Variants in NREP observed in about 807,000 individuals in gnomAD.
NREP encodes the protein neuronal regeneration related protein.
Under a neutral mutation model 8.6 loss-of-function variants are expected in NREP, and 5 were observed. The ratio of observed to expected loss-of-function variants is 0.58; its 90% CI spans 0.30 to 1.22. The LOEUF (loss-of-function observed/expected upper bound fraction) is 1.22. Among genes scored for constraint, NREP ranks in the 50% most tolerant of loss-of-function variants. The pLI is 0.07. For missense variants in NREP, 86 were observed against 82.5 expected (o/e 1.04, Z -0.17); for synonymous variants, 27 against 28.0 (o/e 0.96, Z 0.11).
At chr5:111,865,666 C>T (rs776852230) in intron 2 of NREP, among the ~76,000 whole-genome samples, 28 of 152,126 alleles carry the variant, frequency 1.8e-4, no homozygotes, top group Non-Finnish European at 2.1e-4. Context: ...CTTGCAAAAT[C>T]GTAGCTATTT....
At chr5:111,956,604 A>G (rs943300983) in intron 2 of NREP, among the ~76,000 whole-genome samples, 9 of 152,296 alleles carry the variant, frequency 5.9e-5, no homozygotes, top group Admixed American at 2.6e-4. Flanking sequence ...GAGTAAAAAC[A>G]ATATTTTTTA....
At chr5:111,910,167 A>G (rs2112561409) in intron 2 of NREP, among the ~76,000 whole-genome samples, 1 of 152,214 alleles carries the variant, frequency 6.6e-6, no homozygotes, top group South Asian at 2.1e-4. Flanking sequence ...CCCTGATTAT[A>G]TTCTGGTTAA....
intron 2 of NREP, among the ~76,000 whole-genome samples, chr5:111,929,187 G>A (rs1349248603): frequency 1.3e-5 from 2 of 152,148 alleles, no homozygotes; most frequent in Non-Finnish European, 2.9e-5. Context: ...AACTTTTTAC[G>A]GGGCCCTAGA....
upstream of NREP, chr5:111,757,903 G>A: frequency 1.0e-6 from 1 of 985,316 alleles, no homozygotes; most frequent in Non-Finnish European, 1.2e-6. Context: ...GCCCGCCAGG[G>A]CCGTGGGGAG....
At chr5:111,814,366 T>C (rs1302292673) in intron 2 of NREP, among the ~76,000 whole-genome samples, 1 of 152,092 alleles carries the variant, frequency 6.6e-6, no homozygotes. Flanking sequence ...ATCTTTGTAG[T>C]AGGGTATGTT....
rs556090347 is a variant in NREP at position 111,812,129 on chromosome 5, A to T, written c.136-76622T>A. Among the ~76,000 whole-genome samples, 73 of 152,286 alleles carry T rather than the reference A, an allele frequency of 4.8e-4. 1 individual carries two copies. Among genetic ancestry groups the T allele is most frequent in the Non-Finnish European group, 9.7e-4 (66 of 68,026 alleles). On this transcript the variant is annotated intron_variant, in intron 2 of 3. Coordinates refer to the NREP transcript ENST00000395634. ...ACAGTGAAATCCCATCTCTAAAAAA[A>T]TACAAAAATTATCTGGGCCTGGTGG...
intron 2 of NREP, among the ~76,000 whole-genome samples, chr5:111,941,453 G>A (rs1026890785): frequency 6.6e-6 from 1 of 151,984 alleles, no homozygotes; most frequent in African/African-American, 2.4e-5. Context: ...GCTTGTAGAT[G>A]GCTGTCTTCT....
chr5:111,843,738 G>A (rs1753089440), intron 2 of NREP, among the ~76,000 whole-genome samples: 1 of 152,146 alleles, frequency 6.6e-6, no homozygotes, highest in African/African-American at 2.4e-5. Context: ...CCCATTTAGA[G>A]ATTCTGGAAG....
At chr5:111,938,225 C>T (rs537153001) in intron 2 of NREP, among the ~76,000 whole-genome samples, 2 of 152,166 alleles carry the variant, frequency 1.3e-5, no homozygotes, top group African/African-American at 4.8e-5. Context: ...TCCATTCCCT[C>T]ACTCATAGTT....
intron 2 of NREP, among the ~76,000 whole-genome samples, chr5:111,915,031 C>A (rs1009905182): frequency 6.6e-6 from 1 of 152,060 alleles, no homozygotes; most frequent in Non-Finnish European, 1.5e-5. Context: ...AAACCAGATG[C>A]CCTCTGAATC....
chr5:111,846,922 ACG>A (rs1753190241), intron 2 of NREP, among the ~76,000 whole-genome samples: 3 of 152,108 alleles, frequency 2.0e-5, no homozygotes, highest in Non-Finnish European at 4.4e-5. Flanking sequence ...TCATTCATTC[ACG>A]TATTGATCAA....
intron 2 of NREP, among the ~76,000 whole-genome samples, chr5:111,896,709 T>G (rs1754519326): frequency 6.6e-6 from 1 of 152,170 alleles, no homozygotes; most frequent in Non-Finnish European, 1.5e-5. Flanking sequence ...TACTCTCAAT[T>G]AACAATTAGA....
At chr5:111,941,895 C>G (rs544075012) in intron 2 of NREP, among the ~76,000 whole-genome samples, 1 of 152,166 alleles carries the variant, frequency 6.6e-6, no homozygotes, top group Non-Finnish European at 1.5e-5. Flanking sequence ...CTAGACATGT[C>G]TATGTGTTAT....
At chr5:111,746,609 G>A (rs1021411710) in intron 2 of NREP, among the ~76,000 whole-genome samples, 1 of 152,144 alleles carries the variant, frequency 6.6e-6, no homozygotes, top group African/African-American at 2.4e-5. Context: ...TATTTACTAA[G>A]TACATTCTGC....
rs571751178 is a variant in NREP at position 111,818,253 on chromosome 5, T to A, written c.136-82746A>T. ...TTCAATCTAATAGTTTGATCTGCTG[T>A]GAAGAGTTAACTGAAGGTGTCAACA... On this transcript the variant is annotated intron_variant, in intron 2 of 3. Coordinates refer to the NREP transcript ENST00000395634. Among the ~76,000 whole-genome samples, 4 of 152,316 alleles carry A rather than the reference T, an allele frequency of 2.6e-5. No individual in the cohort carries two copies. In the South Asian group the frequency reaches 8.3e-4, roughly 32 times the overall value.
At chr5:111,923,740 T>A (rs1422744840) in intron 2 of NREP, among the ~76,000 whole-genome samples, 1 of 152,180 alleles carries the variant, frequency 6.6e-6, no homozygotes, top group Admixed American at 6.5e-5. Context: ...GGCTCCTAGG[T>A]CTGAGTTAAA....
chr5:111,807,467 A>G (rs1015815870), intron 2 of NREP, among the ~76,000 whole-genome samples: 2 of 152,212 alleles, frequency 1.3e-5, no homozygotes, highest in Non-Finnish European at 2.9e-5. Flanking sequence ...TCATGTTATG[A>G]TGGTTAAACT....
chr5:111,830,293 G>C (rs924696420), intron 2 of NREP, among the ~76,000 whole-genome samples: 5 of 152,192 alleles, frequency 3.3e-5, no homozygotes, highest in African/African-American at 1.2e-4. Flanking sequence ...AAGTTTAAAA[G>C]ATCTTACAAT....
chr5:111,970,430 T>C (rs911045020), intron 2 of NREP, among the ~76,000 whole-genome samples: 2 of 152,188 alleles, frequency 1.3e-5, no homozygotes, highest in Non-Finnish European at 2.9e-5. Context: ...CACGGACACA[T>C]TCACTGTCTC....
Sources: allele counts gnomAD v4.1 joint callset (sites outside exome capture counted in the v4.1 genomes callset), GRCh38; gene constraint gnomAD v4.1.1; transcripts MANE v1.5; gene names NCBI Gene and HGNC (gene_info 2026-07-23, HGNC 2026-07-21).